Variants in PCDH1 observed in about 807,000 individuals in gnomAD.
PCDH1 encodes the protein protocadherin-1.
Under a neutral mutation model 74.6 loss-of-function variants are expected in PCDH1, and 23 were observed. The ratio of observed to expected loss-of-function variants is 0.31; its 90% CI spans 0.22 to 0.44. The LOEUF (loss-of-function observed/expected upper bound fraction) is 0.44, where lower values mean the gene tolerates loss of function less well. Among genes scored for constraint, PCDH1 ranks in the 20% least tolerant of loss-of-function variants. PCDH1 has a pLI of 1.00. For missense variants in PCDH1, 1,214 were observed against 1,641.4 expected (o/e 0.74, Z 4.50); for synonymous variants, 647 against 686.1 (o/e 0.94, Z 0.89).
rs75190873 is a variant in PCDH1 at position 141,863,624 on chromosome 5, C to T, written c.2707G>A (p.Gly903Ser). The T allele has an allele frequency of 1.3e-3, 2,051 of 1,614,204 alleles. 18 individuals carry two copies. In the African/African-American group the frequency reaches 0.024, roughly 19 times the overall value. ...CTTTTGTTTCCCTTGGAGGCCTTGC[C>T]ACTGGGCTTGGGGGCATACAGGTCC... ...TKDLYAPKPS[G>S]KASKGNKSKG... Residue 903 changes from glycine (G) to serine (S), a missense_variant, in exon 3 of 5, where the codon GGC (glycine) becomes AGC (serine). Around this residue, in one of 4 missense-constraint regions of PCDH1, gnomAD observed 836 missense variants for 1,182.2 expected, o/e 0.71. Coordinates refer to ENST00000287008, the MANE Select transcript of PCDH1 (RefSeq NM_032420.5). The surrounding 1 kb of genome is among the most constrained non-coding windows in gnomAD (Gnocchi z 7.5).
Position 141,868,509 on chromosome 5 carries a change from G to C in PCDH1, c.903+60C>G, listed in dbSNP as rs538972586. ...AGTGAAGGGAACTCTCACCTGGTTG[G>C]GTGGGCTCCCATTTCTAGTGGTGGG... On this transcript the variant is annotated intron_variant, in intron 2 of 4. Coordinates refer to ENST00000287008, the MANE Select transcript of PCDH1 (RefSeq NM_032420.5). This position sits in a 1 kb window ranked among gnomAD's most constrained non-coding sequence, Gnocchi z 4.8. The C allele has an allele frequency of 1.5e-5, 23 of 1,511,466 alleles. No individual in the cohort carries two copies. Among genetic ancestry groups the C allele is most frequent in the Admixed American group, 2.3e-5 (1 of 43,382 alleles). 93.6% of individuals were successfully genotyped at this position (1,511,466 alleles called of 1,614,324 possible). A position where few individuals can be genotyped will look rare whatever the true frequency, so the allele number is the denominator to read the frequency against.
chr5:141,856,925 A>T lies in PCDH1; in HGVS notation c.3319+327T>A, dbSNP rs1217524226. 2.0e-5 allele frequency among the ~76,000 whole-genome samples: 3 copies of T among 152,220 alleles called. No homozygotes were observed. In the East Asian group the frequency reaches 5.8e-4, roughly 29 times the overall value. Reference sequence around the variant, plus strand: ...CCTGTTCCCAGGTGGCCGTGTAAACATGGTGCCGAATGCAACAGCTTTGGA... The same window carrying T: ...CCTGTTCCCAGGTGGCCGTGTAAACTTGGTGCCGAATGCAACAGCTTTGGA... On this transcript the variant is annotated intron_variant, in intron 4 of 4. Coordinates refer to ENST00000287008, the MANE Select transcript of PCDH1 (RefSeq NM_032420.5).
chr5:141,875,513 C>G (rs1362679244), intron 1 of PCDH1, among the ~76,000 whole-genome samples: 1 of 152,128 alleles, frequency 6.6e-6, no homozygotes, highest in African/African-American at 2.4e-5. Flanking sequence ...GCTCCTCCCC[C>G]ACCCTCGCGG....
intron 1 of PCDH1, among the ~76,000 whole-genome samples, chr5:141,876,423 A>C (rs1340213601): frequency 6.6e-6 from 1 of 152,150 alleles, no homozygotes; most frequent in Admixed American, 6.5e-5. Context: ...CCGGCGCCGG[A>C]ATCACAAAGC....
Position 141,857,419 on chromosome 5 carries a change from T to C in PCDH1, c.3152A>G (p.Gln1051Arg). The C allele has an allele frequency of 6.2e-7, 1 of 1,614,086 alleles. No homozygotes were observed. ...FSATSQAQELQDPSQHSYYDS... is the reference protein window; with the variant it reads ...FSATSQAQELRDPSQHSYYDS... ...ATAGTAACTGTGCTGGGATGGGTCCTGCAGCTCCTGGGCCTGGCTGGTGGC... is the reference window on the plus strand; with the variant it reads ...ATAGTAACTGTGCTGGGATGGGTCCCGCAGCTCCTGGGCCTGGCTGGTGGC... The change falls in exon 4 of 5, where the codon CAG becomes CGG. Residue 1051 changes from glutamine (Q) to arginine (R), a missense_variant. This residue lies in a region of PCDH1 where 836 missense variants were observed against 1,182.2 expected (regional missense o/e 0.71). Transcript: ENST00000287008.
intron 1 of PCDH1, among the ~76,000 whole-genome samples, chr5:141,872,908 A>G (rs932699978): frequency 6.6e-6 from 1 of 152,090 alleles, no homozygotes; most frequent in African/African-American, 2.4e-5. Flanking sequence ...GTTGGGGGAG[A>G]GTTGCTCACA....
chr5:141,867,616 TA>T (rs77455268), intron 2 of PCDH1: 89,850 of 382,870 alleles, frequency 0.23, no homozygotes, highest in South Asian at 0.33. Context: ...CACCAGGCTC[TA>T]AAAAAAAAAA....
At chr5:141,856,146 G>T in intron 4 of PCDH1, 1 of 1,360,456 alleles carries the variant, frequency 7.4e-7, no homozygotes, top group Non-Finnish European at 1.0e-6. Flanking sequence ...TCAGAGCAGA[G>T]CATGGGCACT....
In PCDH1 at chr5:141,866,381, C is replaced by T. The variant is rs561637189; in HGVS notation, c.904-954G>A. Among the ~76,000 whole-genome samples, 30 of 152,340 alleles carry T rather than the reference C, an allele frequency of 2.0e-4. No individual in the cohort carries two copies. The South Asian group carries it at 2.7e-3, about 14-fold the overall frequency. Reference sequence around the variant, plus strand: ...TGCAGTCAGCGGGCACACCCTCCCACGCCAACTCCAACGCGCACTCGACTC... The same window carrying T: ...TGCAGTCAGCGGGCACACCCTCCCATGCCAACTCCAACGCGCACTCGACTC... On this transcript the variant is annotated intron_variant, in intron 2 of 4. Transcript: ENST00000287008.
Position 141,864,346 on chromosome 5 carries a change from T to C in PCDH1, c.1985A>G (p.Asn662Ser). The change falls in exon 3 of 5, where the codon AAT becomes AGT. Residue 662 changes from asparagine (N) to serine (S), a missense_variant. Physicochemically the swap from Asn to Ser is conservative, Grantham distance 46 (BLOSUM62 1). Coordinates refer to ENST00000287008, the MANE Select transcript of PCDH1 (RefSeq NM_032420.5). The surrounding 1 kb of genome is among the most constrained non-coding windows in gnomAD (Gnocchi z 5.9). Reference sequence around the variant, plus strand: ...GCTGGATAGGATGGTGCCTGTGCCATTCTGGATAACAAAGTCACCGTTGTC... The same window carrying C: ...GCTGGATAGGATGGTGCCTGTGCCACTCTGGATAACAAAGTCACCGTTGTC... ...EQDNGDFVIQ[N>S]GTGTILSSLS... 6.2e-7 allele frequency: 1 copy of C among 1,614,062 alleles called. No homozygotes were observed. Among genetic ancestry groups the C allele is most frequent in the South Asian group, 1.1e-5 (1 of 91,074 alleles).
rs1752788293 is a variant in PCDH1, at chr5:141,865,564, A to G, written c.904-137T>C. On this transcript the variant is annotated intron_variant, in intron 2 of 4. Transcript: ENST00000287008. This position sits in a 1 kb window ranked among gnomAD's most constrained non-coding sequence, Gnocchi z 4.4. ...GCCAATCCAACATCGCTCCCTTTCC[A>G]GAAGCCATGTGTGTCCTGCCTTTTC... 9.9e-7 allele frequency: 1 copy of G among 1,005,464 alleles called. No individual in the cohort carries two copies. The highest frequency in any genetic ancestry group is 1.5e-6 in the Non-Finnish European group (1 of 679,194). The allele number at this position is 1,005,464 out of a possible 1,614,324, so 62.3% of individuals were successfully genotyped here.
intron 2 of PCDH1, among the ~76,000 whole-genome samples, chr5:141,866,497 G>A (rs142589912): frequency 1.2e-4 from 18 of 152,342 alleles, no homozygotes; most frequent in Non-Finnish European, 2.1e-4. Flanking sequence ...CATGAGGGCT[G>A]GAGTTAGGTC....
chr5:141,857,976 C>A (rs149320691), intron 3 of PCDH1, among the ~76,000 whole-genome samples: 33 of 152,320 alleles, frequency 2.2e-4, no homozygotes, highest in African/African-American at 7.9e-4. Context: ...AAGAAGCAGA[C>A]TCCTAACTCC....
chr5:141,875,318 A>G (rs1439807691), intron 1 of PCDH1, among the ~76,000 whole-genome samples: 2 of 152,202 alleles, frequency 1.3e-5, no homozygotes, highest in East Asian at 1.9e-4. Context: ...GGTAAGTCCT[A>G]TGAAGGCAAT....
chr5:141,868,410 G>T lies in PCDH1; in HGVS notation c.903+159C>A. On this transcript the variant is annotated intron_variant, in intron 2 of 4. Coordinates refer to ENST00000287008, the MANE Select transcript of PCDH1 (RefSeq NM_032420.5). The surrounding 1 kb of genome is among the most constrained non-coding windows in gnomAD (Gnocchi z 4.8). Reference sequence around the variant, plus strand: ...GAAAGTAATATCACCTGCTGGGGTGGGGTGGGAAAGACTCCCCTGGCTGAG... The same window carrying T: ...GAAAGTAATATCACCTGCTGGGGTGTGGTGGGAAAGACTCCCCTGGCTGAG... The T allele has an allele frequency of 7.2e-7, 1 of 1,397,638 alleles. No individual in the cohort carries two copies. The highest frequency in any genetic ancestry group is 2.6e-5 in the East Asian group (1 of 38,442). The allele number at this position is 1,397,638 out of a possible 1,614,324, so 86.6% of individuals were successfully genotyped here. A position where few individuals can be genotyped will look rare whatever the true frequency, so the allele number is the denominator to read the frequency against.
intron 2 of PCDH1, chr5:141,867,407 C>T (rs901344174): frequency 2.9e-6 from 1 of 343,786 alleles, no homozygotes; most frequent in African/African-American, 2.2e-5. Context: ...TGTAGGATAT[C>T]AGGCGAGTTT....
In PCDH1 at chr5:141,869,097, G is replaced by A. The variant is rs766916050; in HGVS notation, c.375C>T (p.Asn125=). ...IDREGLRECQ[N]QLPGDPCILE... ...GGATGCAGGGATCACCAGGGAGCTGGTTCTGGCATTCACGGAGCCCCTCAC... is the reference window on the plus strand; with the variant it reads ...GGATGCAGGGATCACCAGGGAGCTGATTCTGGCATTCACGGAGCCCCTCAC... Residue 125 remains asparagine (N), a synonymous_variant, in exon 2 of 5, where the codon AAC becomes AAT. Transcript: ENST00000287008. The surrounding 1 kb of genome is among the most constrained non-coding windows in gnomAD (Gnocchi z 4.9). 1.5e-5 allele frequency: 24 copies of A among 1,613,844 alleles called. No homozygotes were observed. In the Middle Eastern group the frequency reaches 6.6e-4, roughly 44 times the overall value.
In PCDH1 at chr5:141,862,151, G is replaced by A. The variant is rs562549645; in HGVS notation, c.3099+1081C>T. ...CCTGTTGTTGGGATGAAGAGGCTGG[G>A]GAAGGGACTTGAGGGAAGGACTTGC... is the stretch of plus-strand genomic sequence containing the variant. On this transcript the variant is annotated intron_variant, in intron 3 of 4. Coordinates refer to ENST00000287008, the MANE Select transcript of PCDH1 (RefSeq NM_032420.5). Among the ~76,000 whole-genome samples the A allele has an allele frequency of 5.3e-5, 8 of 151,798 alleles. No homozygotes were observed. The East Asian group carries it at 1.5e-3, about 29-fold the overall frequency.
chr5:141,876,002 C>T (rs1352041509), intron 1 of PCDH1, among the ~76,000 whole-genome samples: 1 of 152,222 alleles, frequency 6.6e-6, no homozygotes, highest in Non-Finnish European at 1.5e-5. Context: ...AGAAGCCTCG[C>T]GGCGTCTTCC....
Sources: allele counts gnomAD v4.1 joint callset (sites outside exome capture counted in the v4.1 genomes callset), GRCh38; gene constraint gnomAD v4.1.1; regional missense constraint gnomAD v4.1.1; non-coding constraint Gnocchi (gnomAD v3.1); transcripts MANE v1.5; gene names NCBI Gene and HGNC (gene_info 2026-07-23, HGNC 2026-07-21).